Variants in AKAP7 observed in about 807,000 individuals in gnomAD.
The protein encoded by AKAP7 is A kinase (PRKA) anchor protein 7.
In AKAP7, 39 loss-of-function variants were observed where a neutral mutation model predicts 39.5. The observed-to-expected ratio is 0.99, with a 90% CI of 0.76 to 1.29. The LOEUF is 1.29. AKAP7 is among the 50% of genes most tolerant of loss of function. The pLI, the probability that AKAP7 is intolerant of heterozygous loss-of-function variation, is 0.00. For missense variants in AKAP7, 414 were observed against 407.7 expected, an observed-to-expected ratio of 1.02 and a Z score of -0.13; for synonymous variants, 140 against 139.1, an observed-to-expected ratio of 1.01 and a Z score of -0.05.
chr6:131,232,646 A>G (rs1220147679), intron 7 of AKAP7, among the ~76,000 whole-genome samples: 1 of 152,212 alleles, frequency 6.6e-6, no homozygotes, highest in East Asian at 1.9e-4. Context: ...TGTCTCTACT[A>G]AAAATACGAA....
intron 2 of AKAP7, among the ~76,000 whole-genome samples, chr6:131,145,747 T>C (rs987859119): frequency 2.6e-5 from 4 of 152,030 alleles, no homozygotes; most frequent in African/African-American, 9.7e-5. Flanking sequence ...AGAGGTGGGG[T>C]CTTGCCATGT....
At chr6:131,165,685 A>G (rs951846009) in intron 4 of AKAP7, among the ~76,000 whole-genome samples, 7 of 152,214 alleles carry the variant, frequency 4.6e-5, no homozygotes, top group African/African-American at 1.7e-4. Flanking sequence ...TTACTAAGCC[A>G]CTGGACAATT....
chr6:131,226,705 T>C (rs149844924), intron 7 of AKAP7, among the ~76,000 whole-genome samples: 2 of 152,246 alleles, frequency 1.3e-5, no homozygotes, highest in Non-Finnish European at 2.9e-5. Context: ...TAGTTTACTT[T>C]CAGCTGTCAG....
At chr6:131,158,456 A>G (rs1802618180) in intron 2 of AKAP7, among the ~76,000 whole-genome samples, 2 of 152,232 alleles carry the variant, frequency 1.3e-5, no homozygotes, top group Admixed American at 1.3e-4. Context: ...ATAACACCTC[A>G]GAAAATATAT....
At position 131,282,109 on chromosome 6, in the gene AKAP7, C is replaced by T; in HGVS notation, c.*383C>T. ...GGCATTTGACTACTTTATCTGAGGCCAGAACTCTCACACACAGCTATCAAG... is the reference window on the plus strand; with the variant it reads ...GGCATTTGACTACTTTATCTGAGGCTAGAACTCTCACACACAGCTATCAAG... On this transcript the variant is annotated 3_prime_UTR_variant, in exon 8 of 8. Transcript: ENST00000431975. 8.7e-7 allele frequency: 1 copy of T among 1,154,256 alleles called. No individual in the cohort carries two copies. 71.5% of individuals were successfully genotyped at this position (1,154,256 alleles called of 1,614,324 possible).
At position 131,199,390 on chromosome 6, in the gene AKAP7, T is replaced by A. The variant is rs1807292215; in HGVS notation, c.590-71T>A. ...TAATTAGTGATTGTTTGAACTGGTA[T>A]TTTTTTTTACAGTTAAAAAGAACTG... On this transcript the variant is annotated intron_variant, in intron 5 of 7. Coordinates refer to ENST00000431975, the MANE Select transcript of AKAP7 (RefSeq NM_016377.4). The A allele has an allele frequency of 7.9e-6, 7 of 883,484 alleles. No homozygotes were observed. In the East Asian group the frequency reaches 2.1e-4, roughly 26 times the overall value. The allele number at this position is 883,484 out of a possible 1,614,324, so 54.7% of individuals were successfully genotyped here.
chr6:131,137,993 T>C (rs530866124), intron 1 of AKAP7, among the ~76,000 whole-genome samples: 1 of 152,284 alleles, frequency 6.6e-6, no homozygotes, highest in African/African-American at 2.4e-5. Flanking sequence ...GTCATTGCAT[T>C]CTTCATAGTC....
intron 7 of AKAP7, among the ~76,000 whole-genome samples, chr6:131,221,881 T>G (rs535092989): frequency 6.6e-6 from 1 of 152,238 alleles, no homozygotes; most frequent in Non-Finnish European, 1.5e-5. Flanking sequence ...GATGGAAATG[T>G]ACAAGGAGTT....
At chr6:131,168,684 A>C (rs1474851943) in intron 4 of AKAP7, among the ~76,000 whole-genome samples, 1 of 152,222 alleles carries the variant, frequency 6.6e-6, no homozygotes, top group Non-Finnish European at 1.5e-5. Context: ...CTTTTATTAG[A>C]GTGCCTCACA....
At chr6:131,158,446 A>G (rs962301900) in intron 2 of AKAP7, among the ~76,000 whole-genome samples, 4 of 152,194 alleles carry the variant, frequency 2.6e-5, no homozygotes, top group African/African-American at 4.8e-5. Flanking sequence ...CTTTTTCAAA[A>G]TAACACCTCA....
intron 5 of AKAP7, among the ~76,000 whole-genome samples, chr6:131,193,828 T>A (rs1806652819): frequency 6.6e-6 from 1 of 152,148 alleles, no homozygotes; most frequent in Non-Finnish European, 1.5e-5. Context: ...TTTTCCAATT[T>A]ATTGTCATAT....
intron 7 of AKAP7, among the ~76,000 whole-genome samples, chr6:131,238,764 A>G (rs533894291): frequency 6.6e-6 from 1 of 152,134 alleles, no homozygotes; most frequent in South Asian, 2.1e-4. Flanking sequence ...TGCTTGATGG[A>G]TCTTCCACCA....
chr6:131,208,970 T>G (rs1336155671), intron 6 of AKAP7, among the ~76,000 whole-genome samples: 1 of 152,198 alleles, frequency 6.6e-6, no homozygotes, highest in Non-Finnish European at 1.5e-5. Flanking sequence ...TCCTTCTGAG[T>G]GTAACAGAGC....
chr6:131,282,553 TAAC>T lies in AKAP7; in HGVS notation c.*832_*834del. The T allele has an allele frequency of 6.5e-7, 1 of 1,535,852 alleles. No homozygotes were observed. The highest frequency in any genetic ancestry group is 1.2e-5 in the South Asian group (1 of 84,042). On this transcript the variant is annotated 3_prime_UTR_variant, in exon 8 of 8. Transcript: ENST00000431975. ...GGGAGCTTTTTGAAGGAAGACTTAT[TAAC>T]AACAGTAATTCAGCAAATGACGTTG...
At chr6:131,215,936 A>G (rs558881804) in intron 6 of AKAP7, among the ~76,000 whole-genome samples, 1 of 152,342 alleles carries the variant, frequency 6.6e-6, no homozygotes, top group African/African-American at 2.4e-5. Flanking sequence ...AGCTACTTAT[A>G]TGACAGCAAT....
At chr6:131,199,150 A>T (rs918317421) in intron 5 of AKAP7, among the ~76,000 whole-genome samples, 1 of 152,190 alleles carries the variant, frequency 6.6e-6, no homozygotes, top group Non-Finnish European at 1.5e-5. Flanking sequence ...AACCACTGGA[A>T]TGTTCTGTGA....
intron 7 of AKAP7, among the ~76,000 whole-genome samples, chr6:131,240,137 C>G (rs1041250824): frequency 6.6e-6 from 1 of 152,242 alleles, no homozygotes; most frequent in Admixed American, 6.5e-5. Context: ...TCAGGATCCT[C>G]AGCTGCAGGT....
Position 131,281,460 on chromosome 6 carries a change from C to T in AKAP7, c.851-70C>T, listed in dbSNP as rs535895587. 124 of 1,289,496 alleles carry T rather than the reference C, an allele frequency of 9.6e-5. No individual in the cohort carries two copies. The African/African-American group carries it at 1.4e-3, about 14-fold the overall frequency. The allele number at this position is 1,289,496 out of a possible 1,614,324, so 79.9% of individuals were successfully genotyped here. A position where few individuals can be genotyped will look rare whatever the true frequency, so the allele number is the denominator to read the frequency against. ...GCTCTTTTTAACCAATGGAACTAGC[C>T]GGCCCCTGCATGCCAAGTTTCTATG... On this transcript the variant is annotated intron_variant, in intron 7 of 7. Coordinates refer to ENST00000431975, the MANE Select transcript of AKAP7 (RefSeq NM_016377.4). The surrounding 1 kb of genome is among the most constrained non-coding windows in gnomAD (Gnocchi z 4.0).
chr6:131,245,700 G>A (rs188823171), intron 7 of AKAP7, among the ~76,000 whole-genome samples: 241 of 152,192 alleles, frequency 1.6e-3, no homozygotes, highest in African/African-American at 5.4e-3. Context: ...TGGCATAACA[G>A]TTTCCATGAG....
Sources: allele counts gnomAD v4.1 joint callset (sites outside exome capture counted in the v4.1 genomes callset), GRCh38; gene constraint gnomAD v4.1.1; non-coding constraint Gnocchi (gnomAD v3.1); transcripts MANE v1.5; gene names NCBI Gene and HGNC (gene_info 2026-07-23, HGNC 2026-07-21).